The following FER variants were observed in gnomAD, a reference collection of about 807,000 sequenced individuals.
FER encodes the protein FER tyrosine kinase.
In FER, 63 loss-of-function variants were observed where a neutral mutation model predicts 111.0. The observed-to-expected ratio is 0.57, with a 90% CI of 0.46 to 0.70. The LOEUF (loss-of-function observed/expected upper bound fraction) is 0.70. Among genes scored for constraint, FER ranks in the 30% least tolerant of loss-of-function variants. The pLI is 0.00. For missense variants in FER, 914 were observed against 954.0 expected, an observed-to-expected ratio of 0.96 and a Z score of 0.55; for synonymous variants, 327 against 313.9, an observed-to-expected ratio of 1.04 and a Z score of -0.44.
At position 108,867,965 on chromosome 5, in the gene FER, C is replaced by G. The variant is rs1277867043; in HGVS notation, c.665+15C>G. 6.3e-7 allele frequency: 1 copy of G among 1,587,846 alleles called. No homozygotes were observed. The highest frequency in any genetic ancestry group is 8.6e-7 in the Non-Finnish European group (1 of 1,168,472). ...ATAAAAGCACTGTAAGATACATTTT[C>G]TTTTTATCATAAAATCCCTTCACAA... On this transcript the variant is annotated intron_variant, in intron 6 of 19. Transcript: ENST00000281092.
intron 16 of FER, among the ~76,000 whole-genome samples, chr5:109,066,892 GA>G (rs761499574): frequency 1.3e-5 from 2 of 151,976 alleles, no homozygotes; most frequent in Non-Finnish European, 2.9e-5. Context: ...ATTTTGATAT[GA>G]AAAAAAGTGA....
intron 16 of FER, among the ~76,000 whole-genome samples, chr5:109,084,884 T>C (rs1195676621): frequency 6.6e-6 from 1 of 151,924 alleles, no homozygotes; most frequent in East Asian, 1.9e-4. Flanking sequence ...CTTCGGTGTC[T>C]ATGTTATAAA....
intron 13 of FER, among the ~76,000 whole-genome samples, chr5:109,036,238 C>T (rs563385820): frequency 2.0e-5 from 3 of 152,112 alleles, no homozygotes; most frequent in East Asian, 1.9e-4. Flanking sequence ...TTGATCATGA[C>T]GTTATCCTCC....
At chr5:109,062,856 G>T (rs1252918085) in intron 16 of FER, among the ~76,000 whole-genome samples, 1 of 151,942 alleles carries the variant, frequency 6.6e-6, no homozygotes, top group Non-Finnish European at 1.5e-5. Flanking sequence ...ATATTATCTG[G>T]TACAATTCTC....
chr5:108,761,889 A>G (rs780202727), intron 1 of FER, among the ~76,000 whole-genome samples: 17 of 151,936 alleles, frequency 1.1e-4, no homozygotes, highest in Non-Finnish European at 2.2e-4. Flanking sequence ...AACTTGTATT[A>G]CCTTATTTCT....
At chr5:108,909,594 A>G (rs1375019994) in intron 10 of FER, among the ~76,000 whole-genome samples, 1 of 152,158 alleles carries the variant, frequency 6.6e-6, no homozygotes. Context: ...TGTAAGAAGA[A>G]TATAAACAAA....
At chr5:109,139,350 CTTTTTT>C (rs59092426) in intron 17 of FER, among the ~76,000 whole-genome samples, 1 of 91,114 alleles carries the variant, frequency 1.1e-5, no homozygotes, top group Non-Finnish European at 2.1e-5. Context: ...TTCTTTCTTT[CTTTTTT>C]TTTTTTTTTT....
At chr5:108,864,772 A>G (rs1236026607) in intron 5 of FER, among the ~76,000 whole-genome samples, 1 of 152,236 alleles carries the variant, frequency 6.6e-6, no homozygotes, top group East Asian at 1.9e-4. Flanking sequence ...CTTGTAGTAT[A>G]GTTTGAAGTC....
chr5:108,915,812 G>A (rs910678059), intron 10 of FER, among the ~76,000 whole-genome samples: 2 of 152,060 alleles, frequency 1.3e-5, no homozygotes, highest in African/African-American at 2.4e-5. Context: ...GTAAAGAACA[G>A]AAGAGAAAGA....
chr5:108,880,205 T>G (rs1765546513), intron 8 of FER, among the ~76,000 whole-genome samples: 1 of 152,044 alleles, frequency 6.6e-6, no homozygotes, highest in Non-Finnish European at 1.5e-5. Flanking sequence ...GAGAGATGAA[T>G]GGAAAATTAA....
intron 16 of FER, among the ~76,000 whole-genome samples, chr5:109,078,478 C>A (rs1403359903): frequency 6.6e-6 from 1 of 152,120 alleles, no homozygotes. Context: ...CTTTCTCAGT[C>A]AACCTGGATA....
chr5:109,007,696 CA>C (rs1218431431), intron 13 of FER, among the ~76,000 whole-genome samples: 1 of 152,126 alleles, frequency 6.6e-6, no homozygotes, highest in Non-Finnish European at 1.5e-5. Context: ...GAGTTTTTAA[CA>C]ATTATGAATA....
At chr5:108,950,430 A>AT (rs201327743) in intron 11 of FER, among the ~76,000 whole-genome samples, 2 of 151,054 alleles carry the variant, frequency 1.3e-5, no homozygotes, top group South Asian at 2.1e-4. Flanking sequence ...TAGGTGAAGT[A>AT]TTTTTTTTTG....
intron 2 of FER, among the ~76,000 whole-genome samples, chr5:108,787,064 C>A (rs568333493): frequency 6.6e-6 from 1 of 152,112 alleles, no homozygotes; most frequent in Non-Finnish European, 1.5e-5. Context: ...GCTTTGTGCT[C>A]CTGGGTGCAG....
chr5:108,781,498 G>C (rs909770886), intron 2 of FER, among the ~76,000 whole-genome samples: 1 of 152,150 alleles, frequency 6.6e-6, no homozygotes, highest in Non-Finnish European at 1.5e-5. Flanking sequence ...AGCCCAGCCT[G>C]TGTTTTTTGC....
At chr5:108,809,670 C>A (rs936002137) in intron 3 of FER, among the ~76,000 whole-genome samples, 13 of 152,154 alleles carry the variant, frequency 8.5e-5, no homozygotes, top group African/African-American at 3.1e-4. Context: ...TTAAGTAATC[C>A]TCCTATCTTA....
chr5:108,993,723 T>C (rs549911780), intron 13 of FER, among the ~76,000 whole-genome samples: 29 of 151,944 alleles, frequency 1.9e-4, no homozygotes, highest in African/African-American at 6.3e-4. Flanking sequence ...CTTCTGATGT[T>C]AATCACTTGG....
At chr5:109,116,267 G>T (rs1400091082) in intron 17 of FER, among the ~76,000 whole-genome samples, 1 of 151,940 alleles carries the variant, frequency 6.6e-6, no homozygotes, top group African/African-American at 2.4e-5. Context: ...TTTCTTTACC[G>T]ATAGATGTTG....
chr5:108,750,348 C>T (rs1750338096), intron 1 of FER, among the ~76,000 whole-genome samples: 1 of 151,564 alleles, frequency 6.6e-6, no homozygotes, highest in African/African-American at 2.4e-5. Flanking sequence ...CTTAAGAAGA[C>T]ATTTGTGAGT....
Sources: gnomAD v4.1 joint callset for allele counts (sites outside exome capture counted in the v4.1 genomes callset) on GRCh38, gnomAD v4.1.1 for gene constraint, MANE v1.5 for transcripts, NCBI Gene and HGNC (gene_info 2026-07-23, HGNC 2026-07-21) for gene names.